MFAP5: variants seen among roughly 807,000 people sequenced by gnomAD.
MFAP5 encodes microfibrillar-associated protein 5.
MFAP5 carries 19 observed loss-of-function variants against 30.1 expected under a neutral mutation model. That is an observed-to-expected ratio of 0.63 (90% CI 0.44 to 0.93). The LOEUF (loss-of-function observed/expected upper bound fraction) is 0.93. MFAP5 is among the 40% of genes least tolerant of loss of function. The pLI is 0.00. For synonymous variants in MFAP5, 92 were observed against 72.9 expected (o/e 1.26, Z -1.33); for missense variants, 210 against 221.3 (o/e 0.95, Z 0.32).
chr12:8,655,394 T>C lies in MFAP5; in HGVS notation c.172+21A>G, dbSNP rs1387504012. On this transcript the variant is annotated intron_variant, in intron 5 of 9. Coordinates refer to ENST00000359478, the MANE Select transcript of MFAP5 (RefSeq NM_003480.4). ...TTAACAAGAACCATGCCATTTTTTT[T>C]TTAACTGCGGTAAAATTTACCTGTT... The C allele has an allele frequency of 9.5e-6, 15 of 1,582,008 alleles. No individual in the cohort carries two copies. The East Asian group carries it at 3.4e-4, about 35-fold the overall frequency.
intron 2 of MFAP5, 118 bp from the exon 3 acceptor site, chr12:8,661,016 T>C (rs1202608277): frequency 5.1e-6 from 4 of 789,938 alleles, no homozygotes; most frequent in South Asian, 2.1e-5. Context: ...TTGTGACTTA[T>C]TCCTATATAG....
At chr12:8,656,407 G>T (rs1941988523) in intron 3 of MFAP5, among the ~76,000 whole-genome samples, 1 of 142,958 alleles carries the variant, frequency 7.0e-6, no homozygotes, top group Non-Finnish European at 1.5e-5. Flanking sequence ...TTCATAAAAG[G>T]TAGTATTGAT....
At position 8,649,498 on chromosome 12, in the gene MFAP5, T is replaced by C. The variant is rs1163536024; in HGVS notation, c.409+3A>G. On this transcript the variant is annotated splice_donor_region_variant and intron_variant, in intron 9 of 9. Transcript: ENST00000359478. ...TCCATTAAACATCCAGACATCATCT[T>C]ACCTTTCATAGCTTCGTGTTCCTTA... The C allele has an allele frequency of 6.2e-7, 1 of 1,613,186 alleles. No homozygotes were observed. Among genetic ancestry groups the C allele is most frequent in the East Asian group, 2.2e-5 (1 of 44,896 alleles).
chr12:8,648,271 TAGAGAAGACTTTTC>T, intron 9 of MFAP5, 68 bp from the exon 10 acceptor site: 1 of 1,326,574 alleles, frequency 7.5e-7, no homozygotes, highest in South Asian at 1.3e-5. Context: ...TTTTAAGGGA[TAGAGAAGACTTTTC>T]AGTGTGGTGT....
rs1941928224 is a variant in MFAP5 at position 8,654,489 on chromosome 12, G to A, written c.173-8C>T. On this transcript the variant is annotated splice_polypyrimidine_tract_variant and splice_region_variant and intron_variant, in intron 5 of 9. Coordinates refer to ENST00000359478, the MANE Select transcript of MFAP5 (RefSeq NM_003480.4). ...CAGCCAAAACAGCCAAAACTGAAAA[G>A]GCACAAAACAGCAGGTATGAGGAGG... 6.2e-7 allele frequency: 1 copy of A among 1,601,468 alleles called. No homozygotes were observed. Among genetic ancestry groups the A allele is most frequent in the Non-Finnish European group, 8.5e-7 (1 of 1,173,912 alleles).
rs1355593733 is a variant in MFAP5, at chr12:8,646,710, C to G, written c.*1381G>C. ...AGTGCAATGGCGCCATCTCGGCTCA[C>G]TGCAACCTCTGCCTCCCAGGTTCAA... On this transcript the variant is annotated 3_prime_UTR_variant, in exon 10 of 10. Coordinates refer to ENST00000359478, the MANE Select transcript of MFAP5 (RefSeq NM_003480.4). The G allele has an allele frequency of 1.3e-5, 2 of 152,154 alleles. No homozygotes were observed. Among genetic ancestry groups the G allele is most frequent in the Non-Finnish European group, 2.9e-5 (2 of 68,062 alleles). 9.4% of individuals were successfully genotyped at this position (152,154 alleles called of 1,614,324 possible).
In MFAP5 at chr12:8,661,978, C is replaced by T. The variant is rs1942163791; in HGVS notation, c.58+69G>A. Reference sequence around the variant, plus strand: ...TATTCCTCTTCGACCTCATTCCATCCCATCTCCTGCCACACACGTGTATAG... The same window carrying T: ...TATTCCTCTTCGACCTCATTCCATCTCATCTCCTGCCACACACGTGTATAG... On this transcript the variant is annotated intron_variant, in intron 2 of 9. Transcript: ENST00000359478. 16 of 1,436,882 alleles carry T rather than the reference C, an allele frequency of 1.1e-5. No individual in the cohort carries two copies. In the Admixed American group the frequency reaches 2.6e-4, roughly 24 times the overall value. 89.0% of individuals were successfully genotyped at this position (1,436,882 alleles called of 1,614,324 possible). A position where few individuals can be genotyped will look rare whatever the true frequency, so the allele number is the denominator to read the frequency against.
intron 9 of MFAP5, chr12:8,648,575 GA>G: frequency 8.0e-7 from 1 of 1,248,800 alleles, no homozygotes; most frequent in Non-Finnish European, 1.0e-6. Flanking sequence ...AGAAAAATGA[GA>G]TCCAATCATT....
At chr12:8,658,176 C>A (rs914867448) in intron 3 of MFAP5, among the ~76,000 whole-genome samples, 1 of 152,006 alleles carries the variant, frequency 6.6e-6, no homozygotes, top group African/African-American at 2.4e-5. Flanking sequence ...TGGTAAAATC[C>A]CATCTCTACT....
chr12:8,658,241 T>G (rs1942056779), intron 3 of MFAP5, among the ~76,000 whole-genome samples: 1 of 152,064 alleles, frequency 6.6e-6, no homozygotes, highest in South Asian at 2.1e-4. Flanking sequence ...TCCCAATTAC[T>G]CAGGAGGCTG....
At chr12:8,649,717 T>C in intron 8 of MFAP5, 143 bp from the exon 9 acceptor site, 1 of 639,872 alleles carries the variant, frequency 1.6e-6, no homozygotes, top group South Asian at 1.9e-5. Context: ...TTTTCTTAAG[T>C]ATTTCAGACT....
rs757365767 is a variant in MFAP5 at position 8,656,649 on chromosome 12, C to CAT, written c.95-821_95-820dup. Among the ~76,000 whole-genome samples, 451 of 109,044 alleles carry CAT rather than the reference C, an allele frequency of 4.1e-3. 2 individuals are homozygous for CAT. The highest frequency in any genetic ancestry group is 0.036 in the East Asian group (154 of 4,244). The allele number at this position is 109,044 out of a possible 152,430, so 71.5% of individuals were successfully genotyped here. A position where few individuals can be genotyped will look rare whatever the true frequency, so the allele number is the denominator to read the frequency against. On this transcript the variant is annotated intron_variant, in intron 3 of 9. Transcript: ENST00000359478. ...ATACACACACACACACACACACACA[C>CAT]ATATATATATATATATATATTTTTT...
chr12:8,659,876 T>C (rs999833527), intron 3 of MFAP5, among the ~76,000 whole-genome samples: 1 of 152,210 alleles, frequency 6.6e-6, no homozygotes, highest in Non-Finnish European at 1.5e-5. Flanking sequence ...TTAATACCAG[T>C]TGTGACCCAC....
At chr12:8,660,822 A>G in intron 3 of MFAP5, 41 bp downstream of exon 3, 1 of 1,572,418 alleles carries the variant, frequency 6.4e-7, no homozygotes, top group Non-Finnish European at 8.7e-7. Flanking sequence ...AATTTTCCTG[A>G]TAAGAACCCC....
intron 6 of MFAP5, among the ~76,000 whole-genome samples, chr12:8,652,986 T>A (rs1941878103): frequency 6.6e-6 from 1 of 151,980 alleles, no homozygotes; most frequent in South Asian, 2.1e-4. Flanking sequence ...GGTCAGGAGC[T>A]CAAGACCAGT....
At position 8,648,086 on chromosome 12, in the gene MFAP5, A is replaced by G; in HGVS notation, c.*5T>C. 6.2e-7 allele frequency: 1 copy of G among 1,604,392 alleles called. No individual in the cohort carries two copies. The highest frequency in any genetic ancestry group is 1.7e-5 in the Admixed American group (1 of 59,374). On this transcript the variant is annotated 3_prime_UTR_variant, in exon 10 of 10. Transcript: ENST00000359478. Reference sequence around the variant, plus strand: ...CATTTTTTCTTCTTTCCTCTTTTTCAATGATCACAGACCATTGGGTCTCTG... The same window carrying G: ...CATTTTTTCTTCTTTCCTCTTTTTCGATGATCACAGACCATTGGGTCTCTG...
intron 9 of MFAP5, chr12:8,648,621 G>C (rs767491760): frequency 1.1e-5 from 10 of 943,860 alleles, no homozygotes; most frequent in Non-Finnish European, 1.5e-5. Flanking sequence ...TGGGCAAACA[G>C]CTAACTTTAG....
chr12:8,649,111 G>A (rs1286471543), intron 9 of MFAP5, among the ~76,000 whole-genome samples: 3 of 152,228 alleles, frequency 2.0e-5, no homozygotes, highest in Non-Finnish European at 4.4e-5. Flanking sequence ...ATGTGCGTGT[G>A]TATGTTTTAT....
intron 6 of MFAP5, 42 bp downstream of exon 6, chr12:8,654,395 A>G (rs755009325): frequency 1.9e-6 from 3 of 1,556,540 alleles, no homozygotes; most frequent in East Asian, 4.6e-5. Context: ...GGGAAAGCCT[A>G]GAATGGCCCT....
Sources: gnomAD v4.1 joint callset for allele counts (sites outside exome capture counted in the v4.1 genomes callset) on GRCh38, gnomAD v4.1.1 for gene constraint, MANE v1.5 for transcripts, NCBI Gene and HGNC (gene_info 2026-07-23, HGNC 2026-07-21) for gene names.